Variants in MBD5 observed in about 807,000 individuals in gnomAD.
MBD5 encodes methyl-CpG binding domain protein 5.
MBD5 carries 13 observed loss-of-function variants against 117.3 expected under a neutral mutation model. The observed-to-expected ratio is 0.11, with a 90% CI of 0.07 to 0.18. The LOEUF is 0.18. Ranked by LOEUF, MBD5 falls within the 10% of genes least tolerant of loss-of-function variation. The pLI, the probability that MBD5 is intolerant of heterozygous loss-of-function variation, is 1.00. For missense variants in MBD5, 1,879 were observed against 2,093.8 expected (o/e 0.90, Z 2.00); for synonymous variants, 727 against 766.4 (o/e 0.95, Z 0.85).
intron 1 of MBD5, among the ~76,000 whole-genome samples, chr2:148,029,472 T>C (rs1205666126): frequency 6.6e-6 from 1 of 152,202 alleles, no homozygotes; most frequent in Non-Finnish European, 1.5e-5. Context: ...CAGGTGTTCT[T>C]ACATGTATGA....
chr2:148,469,331 C>T lies in MBD5; in HGVS notation c.1388C>T (p.Ser463Phe). ...GCATCGCCCCAAAGATCACGCTCAT[C>T]TTCCACATCATCAGATCATGGAAAT... ...IEASPQRSRSSSTSSDHGNFM... is the reference protein window; with the variant it reads ...IEASPQRSRSFSTSSDHGNFM... The change falls in exon 8 of 14, where the codon TCT (serine) becomes TTT (phenylalanine). Residue 463 changes from serine to phenylalanine, a missense_variant. Transcript: ENST00000642680. 1 of 1,613,818 alleles carries T rather than the reference C, an allele frequency of 6.2e-7. No homozygotes were observed.
chr2:148,116,729 T>A (rs1696650344), intron 1 of MBD5, among the ~76,000 whole-genome samples: 1 of 152,218 alleles, frequency 6.6e-6, no homozygotes, highest in Non-Finnish European at 1.5e-5. Flanking sequence ...CTCTCTTCAT[T>A]GAATACCATT....
At chr2:148,115,289 G>A (rs766898963) in intron 1 of MBD5, among the ~76,000 whole-genome samples, 96 of 152,212 alleles carry the variant, frequency 6.3e-4, no homozygotes, top group Non-Finnish European at 1.1e-3. Flanking sequence ...CTGCAATAGT[G>A]GAATTGTTAT....
At chr2:148,359,533 A>T (rs1449985616) in intron 4 of MBD5, among the ~76,000 whole-genome samples, 1 of 152,136 alleles carries the variant, frequency 6.6e-6, no homozygotes, top group African/African-American at 2.4e-5. Context: ...ATGGAGTGTG[A>T]TATGTAAAAA....
At chr2:148,293,001 C>T (rs1335750958) in intron 3 of MBD5, among the ~76,000 whole-genome samples, 1 of 152,032 alleles carries the variant, frequency 6.6e-6, no homozygotes, top group East Asian at 1.9e-4. Context: ...CATGCTCCCA[C>T]TCATTTGCTG....
intron 1 of MBD5, among the ~76,000 whole-genome samples, chr2:148,157,431 T>C (rs1697901626): frequency 6.6e-6 from 1 of 152,188 alleles, no homozygotes; most frequent in Non-Finnish European, 1.5e-5. Context: ...ATAGGTTGTC[T>C]TCTCCAAAGT....
chr2:148,125,328 G>A (rs1234397828), intron 1 of MBD5, among the ~76,000 whole-genome samples: 1 of 151,892 alleles, frequency 6.6e-6, no homozygotes, highest in African/African-American at 2.4e-5. Context: ...ACCAAAAATG[G>A]TTTAGTAAGC....
chr2:148,459,383 G>A (rs1180213020), intron 5 of MBD5, among the ~76,000 whole-genome samples: 1 of 152,122 alleles, frequency 6.6e-6, no homozygotes, highest in Non-Finnish European at 1.5e-5. Flanking sequence ...TCATGGAGAA[G>A]GCTCTGCATC....
chr2:148,227,493 A>G (rs140230561), intron 2 of MBD5, among the ~76,000 whole-genome samples: 1 of 152,160 alleles, frequency 6.6e-6, no homozygotes, highest in Non-Finnish European at 1.5e-5. Flanking sequence ...TGGTACCAGT[A>G]CCATGCTGTT....
intron 3 of MBD5, among the ~76,000 whole-genome samples, chr2:148,329,888 A>T (rs185669942): frequency 7.6e-4 from 116 of 152,276 alleles, no homozygotes; most frequent in African/African-American, 2.8e-3. Context: ...ATAAAAAATT[A>T]TGTTAGTAAT....
chr2:148,263,909 G>A (rs1700791565), intron 3 of MBD5, among the ~76,000 whole-genome samples: 1 of 151,984 alleles, frequency 6.6e-6, no homozygotes, highest in African/African-American at 2.4e-5. Flanking sequence ...GCTGTATATG[G>A]GTTACTTCTA....
chr2:148,294,510 T>TTTTTGTTTTTTTTTTTTTTTTGTTTG (rs1559009563), intron 3 of MBD5, among the ~76,000 whole-genome samples: 1 of 133,074 alleles, frequency 7.5e-6, no homozygotes. Flanking sequence ...AGTTTTTTTT[T>TTTTTGTTTTTTTTTTTTTTTTGTTTG]TTTTTTTTTT....
At chr2:148,090,247 A>G (rs1407191493) in intron 1 of MBD5, among the ~76,000 whole-genome samples, 2 of 152,146 alleles carry the variant, frequency 1.3e-5, no homozygotes, top group African/African-American at 4.8e-5. Flanking sequence ...TCACAGCTGA[A>G]TTTTATCAAG....
chr2:148,395,347 T>C (rs1192809218), intron 4 of MBD5, among the ~76,000 whole-genome samples: 1 of 152,078 alleles, frequency 6.6e-6, no homozygotes. Context: ...TTCATCTGAG[T>C]TTCTACGCTA....
At chr2:148,150,945 C>T (rs1163930528) in intron 1 of MBD5, among the ~76,000 whole-genome samples, 2 of 151,752 alleles carry the variant, frequency 1.3e-5, no homozygotes, top group Non-Finnish European at 2.9e-5. Context: ...CCTTCTCCTG[C>T]CTGATTGCCC....
At position 148,514,320 on chromosome 2, in the gene MBD5, G is replaced by A. The variant is rs1228997855; in HGVS notation, c.*1379G>A. On this transcript the variant is annotated 3_prime_UTR_variant, in exon 14 of 14. Coordinates refer to ENST00000642680, the MANE Select transcript of MBD5 (RefSeq NM_001378120.1). ...AACTGTGAGCCATTGTAAAGTACAA[G>A]GTAATTAATAAGAAATGTAGCACAA... 1 of 152,102 alleles carries A rather than the reference G, an allele frequency of 6.6e-6. No homozygotes were observed. The highest frequency in any genetic ancestry group is 1.5e-5 in the Non-Finnish European group (1 of 68,022). 9.4% of individuals were successfully genotyped at this position (152,102 alleles called of 1,614,324 possible). A position where few individuals can be genotyped will look rare whatever the true frequency, so the allele number is the denominator to read the frequency against.
At chr2:148,165,678 G>T (rs1211916232) in intron 1 of MBD5, among the ~76,000 whole-genome samples, 1 of 151,860 alleles carries the variant, frequency 6.6e-6, no homozygotes, top group African/African-American at 2.4e-5. Context: ...TTTATATAGG[G>T]CATATTTTAT....
chr2:148,386,681 T>C (rs2105488713), intron 4 of MBD5, among the ~76,000 whole-genome samples: 1 of 133,698 alleles, frequency 7.5e-6, no homozygotes, highest in East Asian at 2.1e-4. Context: ...ATCCCGCCAC[T>C]GCACTCCAGC....
At chr2:148,320,221 T>C (rs1177738870) in intron 3 of MBD5, among the ~76,000 whole-genome samples, 2 of 152,206 alleles carry the variant, frequency 1.3e-5, no homozygotes, top group African/African-American at 4.8e-5. Flanking sequence ...GTTGTGTCCT[T>C]GTCTGGTTTC....
Sources: allele counts gnomAD v4.1 joint callset (sites outside exome capture counted in the v4.1 genomes callset), GRCh38; gene constraint gnomAD v4.1.1; transcripts MANE v1.5; gene names NCBI Gene and HGNC (gene_info 2026-07-23, HGNC 2026-07-21).